PTPRK: variants seen among roughly 807,000 people sequenced by gnomAD.
PTPRK encodes receptor-type tyrosine-protein phosphatase kappa.
Under a neutral mutation model 178.0 loss-of-function variants are expected in PTPRK, and 75 were observed. The observed-to-expected ratio is 0.42, with a 90% CI of 0.35 to 0.51. The LOEUF (loss-of-function observed/expected upper bound fraction) is 0.51. PTPRK is among the 20% of genes least tolerant of loss of function. The probability of loss-of-function intolerance (pLI) is 0.02; values close to 1 mark genes in which losing one functional copy is unlikely to be tolerated. For missense variants in PTPRK, 1,441 were observed against 1,797.8 expected (o/e 0.80, Z 3.59); for synonymous variants, 637 against 620.6 (o/e 1.03, Z -0.39).
chr6:128,173,664 T>G (rs1022158786), intron 7 of PTPRK, among the ~76,000 whole-genome samples: 1 of 152,058 alleles, frequency 6.6e-6, no homozygotes, highest in Admixed American at 6.6e-5. Context: ...TATACCTTAA[T>G]GTTCCAAGCC....
intron 3 of PTPRK, among the ~76,000 whole-genome samples, 183 bp from the exon 4 acceptor site, chr6:128,242,785 T>C (rs1474019419): frequency 6.6e-6 from 1 of 152,144 alleles, no homozygotes; most frequent in Non-Finnish European, 1.5e-5. Context: ...AAATATAAAA[T>C]TTGAAGAAAA....
intron 13 of PTPRK, among the ~76,000 whole-genome samples, chr6:128,059,416 A>C (rs1780449417): frequency 6.6e-6 from 1 of 152,152 alleles, no homozygotes; most frequent in African/African-American, 2.4e-5. Context: ...CAACATCTTA[A>C]AATACTGTTT....
intron 7 of PTPRK, among the ~76,000 whole-genome samples, chr6:128,169,782 A>AGT (rs1370254103): frequency 6.5e-4 from 53 of 81,002 alleles, no homozygotes; most frequent in African/African-American, 2.4e-3. Flanking sequence ...TTATTTTTTT[A>AGT]ATGTGTGTGT....
At chr6:128,434,187 T>C (rs1845215118) in intron 1 of PTPRK, among the ~76,000 whole-genome samples, 3 of 152,054 alleles carry the variant, frequency 2.0e-5, no homozygotes, top group Non-Finnish European at 1.5e-5. Context: ...AAAGATTATC[T>C]TGTCTCTGGG....
intron 16 of PTPRK, among the ~76,000 whole-genome samples, chr6:127,997,778 A>G (rs1482755298): frequency 6.6e-6 from 1 of 152,114 alleles, no homozygotes; most frequent in Non-Finnish European, 1.5e-5. Context: ...TTTCTGGCAT[A>G]TATCTAAAAT....
chr6:128,028,072 T>C (rs1264252773), intron 13 of PTPRK: 1 of 152,190 alleles, frequency 6.6e-6, no homozygotes, highest in Non-Finnish European at 1.5e-5. Context: ...TTCTTCTTAA[T>C]AGCCTACAAA....
intron 1 of PTPRK, among the ~76,000 whole-genome samples, chr6:128,489,827 C>T (rs898576447): frequency 1.3e-5 from 2 of 152,146 alleles, no homozygotes; most frequent in Non-Finnish European, 2.9e-5. Flanking sequence ...TTTCCCAGAT[C>T]AACCCTAATG....
At chr6:128,440,307 G>A (rs192784763) in intron 1 of PTPRK, among the ~76,000 whole-genome samples, 4 of 152,130 alleles carry the variant, frequency 2.6e-5, no homozygotes, top group Non-Finnish European at 4.4e-5. Context: ...TTCATGGTAG[G>A]TTATGGATGA....
At chr6:128,023,439 C>T (rs1328718031) in intron 13 of PTPRK, among the ~76,000 whole-genome samples, 1 of 152,160 alleles carries the variant, frequency 6.6e-6, no homozygotes, top group Non-Finnish European at 1.5e-5. Flanking sequence ...CTCAACTCTC[C>T]TTCTGCCCTG....
Position 128,185,613 on chromosome 6 carries a change from A to G in PTPRK, c.869-888T>C, listed in dbSNP as rs374828541. On this transcript the variant is annotated intron_variant, in intron 6 of 29. Coordinates refer to ENST00000368226, the MANE Select transcript of PTPRK (RefSeq NM_002844.4). ...TGGAACACTTCTCACTTTTCTCAGG[A>G]AAGTCAAAAGACCTAAAGAAAGTGT... 7.2e-4 allele frequency among the ~76,000 whole-genome samples: 109 copies of G among 152,282 alleles called. 4 individuals carry two copies. In the South Asian group the frequency reaches 0.022, roughly 30 times the overall value.
At chr6:128,073,535 A>G (rs1246486678) in intron 11 of PTPRK, among the ~76,000 whole-genome samples, 1 of 151,964 alleles carries the variant, frequency 6.6e-6, no homozygotes, top group Non-Finnish European at 1.5e-5. Flanking sequence ...TGCATAACAT[A>G]TTACCCTGAA....
At chr6:128,299,727 T>C (rs1825219666) in intron 3 of PTPRK, among the ~76,000 whole-genome samples, 1 of 152,120 alleles carries the variant, frequency 6.6e-6, no homozygotes, top group Non-Finnish European at 1.5e-5. Context: ...TAATTCAAGA[T>C]GGATTAAAGA....
intron 1 of PTPRK, among the ~76,000 whole-genome samples, chr6:128,492,066 A>C (rs1479424329): frequency 6.6e-6 from 1 of 152,178 alleles, no homozygotes; most frequent in Non-Finnish European, 1.5e-5. Context: ...AGATAAAGTC[A>C]TCATTCCCTT....
chr6:128,500,437 C>T (rs1032137171), intron 1 of PTPRK: 1 of 152,058 alleles, frequency 6.6e-6, no homozygotes, highest in African/African-American at 2.4e-5. Context: ...TACAATTTAC[C>T]CAGCATAATT....
chr6:128,021,701 A>T (rs534367258), intron 13 of PTPRK, among the ~76,000 whole-genome samples: 1 of 152,286 alleles, frequency 6.6e-6, no homozygotes, highest in South Asian at 2.1e-4. Context: ...CAATCCCCCA[A>T]GGGACTTCGG....
intron 2 of PTPRK, among the ~76,000 whole-genome samples, chr6:128,366,625 C>T (rs551358318): frequency 6.6e-6 from 1 of 152,178 alleles, no homozygotes; most frequent in South Asian, 2.1e-4. Flanking sequence ...TTATCCACCT[C>T]GGGATACAGA....
Position 128,366,460 on chromosome 6 carries a change from C to G in PTPRK, c.223+31106G>C, listed in dbSNP as rs1431687113. 3.3e-5 allele frequency among the ~76,000 whole-genome samples: 5 copies of G among 152,024 alleles called. No homozygotes were observed. In the East Asian group the frequency reaches 9.6e-4, roughly 29 times the overall value. On this transcript the variant is annotated intron_variant, in intron 2 of 29. Coordinates refer to ENST00000368226, the MANE Select transcript of PTPRK (RefSeq NM_002844.4). Reference sequence around the variant, plus strand: ...AATAAAAATTGTGGCTCTTCTTATACTAACAAAAACATCTCCATTTACTAA... The same window carrying G: ...AATAAAAATTGTGGCTCTTCTTATAGTAACAAAAACATCTCCATTTACTAA...
At chr6:128,442,534 A>G (rs1444903917) in intron 1 of PTPRK, among the ~76,000 whole-genome samples, 4 of 152,200 alleles carry the variant, frequency 2.6e-5, no homozygotes, top group African/African-American at 9.6e-5. Context: ...AAGCCCTCCT[A>G]TATAGGAAAC....
intron 1 of PTPRK, among the ~76,000 whole-genome samples, chr6:128,482,166 C>T (rs1038333244): frequency 7.9e-5 from 12 of 152,114 alleles, no homozygotes; most frequent in African/African-American, 2.9e-4. Flanking sequence ...AGACCTAGAA[C>T]TGTGCTGAAT....
Sources: gnomAD v4.1 joint callset for allele counts (sites outside exome capture counted in the v4.1 genomes callset) on GRCh38, gnomAD v4.1.1 for gene constraint, MANE v1.5 for transcripts, NCBI Gene and HGNC (gene_info 2026-07-23, HGNC 2026-07-21) for gene names.